Variants in HTR4 observed in about 807,000 individuals in gnomAD.
HTR4 encodes 5-hydroxytryptamine (serotonin) receptor 4, G protein-coupled.
In HTR4, 16 loss-of-function variants were observed where a neutral mutation model predicts 36.8. The observed-to-expected ratio is 0.43, with a 90% CI of 0.29 to 0.66. HTR4 has a LOEUF of 0.66. HTR4 is among the 30% of genes least tolerant of loss of function. The pLI is 0.13. For synonymous variants in HTR4, 189 were observed against 185.1 expected, an observed-to-expected ratio of 1.02 and a Z score of -0.17; for missense variants, 438 against 490.9, an observed-to-expected ratio of 0.89 and a Z score of 1.02.
At chr5:148,610,989 A>T (rs1167183869) in intron 2 of HTR4, among the ~76,000 whole-genome samples, 2 of 150,516 alleles carry the variant, frequency 1.3e-5, no homozygotes, top group Non-Finnish European at 3.0e-5. Context: ...AAAGAATAAA[A>T]AGAAATGAGC....
chr5:148,577,652 A>G (rs1294209653), intron 2 of HTR4, among the ~76,000 whole-genome samples: 1 of 152,068 alleles, frequency 6.6e-6, no homozygotes, highest in Non-Finnish European at 1.5e-5. Context: ...AAATAATAAG[A>G]TCACGTCTTT....
intron 2 of HTR4, among the ~76,000 whole-genome samples, chr5:148,609,071 G>A (rs1241959882): frequency 6.6e-6 from 1 of 152,156 alleles, no homozygotes; most frequent in Non-Finnish European, 1.5e-5. Flanking sequence ...TAGGGAATAA[G>A]AATGAATAAT....
At chr5:148,528,151 T>A (rs973485230) in intron 4 of HTR4, among the ~76,000 whole-genome samples, 1 of 152,238 alleles carries the variant, frequency 6.6e-6, no homozygotes, top group Non-Finnish European at 1.5e-5. Context: ...GATTTTATTT[T>A]ACTTAAATTT....
At chr5:148,461,032 G>T (rs938929202) in intron 5 of HTR4, among the ~76,000 whole-genome samples, 1 of 151,906 alleles carries the variant, frequency 6.6e-6, no homozygotes, top group Non-Finnish European at 1.5e-5. Context: ...CCAAAAAGTT[G>T]TATAGTATCA....
At chr5:148,610,369 C>T (rs910194234) in intron 2 of HTR4, among the ~76,000 whole-genome samples, 4 of 152,070 alleles carry the variant, frequency 2.6e-5, no homozygotes, top group African/African-American at 7.2e-5. Context: ...GTCCCTGACC[C>T]GTGACCCCCG....
At chr5:148,501,887 G>A (rs1756950237) in intron 6 of HTR4, among the ~76,000 whole-genome samples, 1 of 151,858 alleles carries the variant, frequency 6.6e-6, no homozygotes, top group Admixed American at 6.6e-5. Context: ...GTGAAACCCT[G>A]TCTCTACTAA....
At chr5:148,530,345 G>A (rs1488707117) in intron 4 of HTR4, among the ~76,000 whole-genome samples, 1 of 152,132 alleles carries the variant, frequency 6.6e-6, no homozygotes, top group Non-Finnish European at 1.5e-5. Flanking sequence ...CCAGACCCAG[G>A]GTCCCTGTAC....
At chr5:148,465,661 T>TA (rs1336637551) in intron 5 of HTR4, among the ~76,000 whole-genome samples, 5 of 152,162 alleles carry the variant, frequency 3.3e-5, no homozygotes, top group Non-Finnish European at 7.3e-5. Flanking sequence ...TTAAAACATT[T>TA]AAAAATAGAA....
Position 148,627,649 on chromosome 5 carries a change from A to G in HTR4, c.26+9340T>C, listed in dbSNP as rs1159646116. Among the ~76,000 whole-genome samples, 4 of 152,220 alleles carry G rather than the reference A, an allele frequency of 2.6e-5. No individual in the cohort carries two copies. In the East Asian group the frequency reaches 7.7e-4, roughly 29 times the overall value. On this transcript the variant is annotated intron_variant, in intron 2 of 6. Coordinates refer to ENST00000377888, the MANE Select transcript of HTR4 (RefSeq NM_000870.7). Reference sequence around the variant, plus strand: ...CTAAGGAGTAAGTGAGTGGGCAGAGAAGGGGGAAAAAAGATTCTTCTTACA... The same window carrying G: ...CTAAGGAGTAAGTGAGTGGGCAGAGGAGGGGGAAAAAAGATTCTTCTTACA...
intron 2 of HTR4, among the ~76,000 whole-genome samples, chr5:148,581,439 C>G (rs77950553): frequency 6.6e-6 from 1 of 151,592 alleles, no homozygotes; most frequent in Non-Finnish European, 1.5e-5. Context: ...AGAAGCTTTT[C>G]CCCTCTGTTT....
chr5:148,521,625 G>A (rs1220397625), intron 5 of HTR4, among the ~76,000 whole-genome samples: 1 of 151,760 alleles, frequency 6.6e-6, no homozygotes, highest in African/African-American at 2.4e-5. Flanking sequence ...ATTCCTTACA[G>A]TATCCCTTTC....
intron 5 of HTR4, among the ~76,000 whole-genome samples, chr5:148,464,690 C>T (rs1052079390): frequency 2.6e-5 from 4 of 152,272 alleles, no homozygotes; most frequent in African/African-American, 9.6e-5. Flanking sequence ...TTTTACAAAA[C>T]TAAACATATT....
chr5:148,536,203 A>G (rs1014172448), intron 4 of HTR4, among the ~76,000 whole-genome samples: 1 of 152,190 alleles, frequency 6.6e-6, no homozygotes, highest in African/African-American at 2.4e-5. Context: ...GTTTGTTACC[A>G]CCAGACCTGC....
intron 1 of HTR4, chr5:148,645,350 A>G (rs948782069): frequency 2.6e-5 from 4 of 152,258 alleles, no homozygotes; most frequent in Non-Finnish European, 5.9e-5. Context: ...CTGTGTTCCA[A>G]TAAAACTAAA....
At chr5:148,567,832 T>A (rs890603683) in intron 2 of HTR4, among the ~76,000 whole-genome samples, 5 of 152,182 alleles carry the variant, frequency 3.3e-5, no homozygotes, top group African/African-American at 4.8e-5. Flanking sequence ...TGCTGCTGTA[T>A]TTTTCCTGAT....
chr5:148,484,395 A>C (rs1252020571), intron 6 of HTR4: 1 of 1,604,960 alleles, frequency 6.2e-7, no homozygotes. Context: ...AGATAAAGAA[A>C]TTATTTGGCA....
At chr5:148,639,411 G>A (rs138386942) in intron 1 of HTR4, among the ~76,000 whole-genome samples, 170 of 151,906 alleles carry the variant, frequency 1.1e-3, no homozygotes, top group African/African-American at 3.5e-3. Flanking sequence ...TTCCTGGGCC[G>A]TAACCGTAGG....
chr5:148,574,036 C>T (rs17108437), intron 2 of HTR4, among the ~76,000 whole-genome samples: 6,201 of 152,110 alleles, frequency 0.041, 202 homozygotes, highest in South Asian at 0.097. Context: ...TCATTTAAAA[C>T]GGAGAGAAAC....
intron 6 of HTR4, among the ~76,000 whole-genome samples, chr5:148,500,846 A>G (rs553620977): frequency 1.3e-5 from 2 of 152,328 alleles, no homozygotes; most frequent in South Asian, 4.1e-4. Context: ...AATTAAGAAA[A>G]TATGAAAGAT....
Sources: allele counts gnomAD v4.1 joint callset (sites outside exome capture counted in the v4.1 genomes callset), GRCh38; gene constraint gnomAD v4.1.1; transcripts MANE v1.5; gene names NCBI Gene and HGNC (gene_info 2026-07-23, HGNC 2026-07-21).